The following KNTC1 variants were observed in gnomAD, a reference collection of about 807,000 sequenced individuals.
The protein encoded by KNTC1 is kinetochore-associated protein 1.
Under a neutral mutation model 314.4 loss-of-function variants are expected in KNTC1, and 253 were observed. That is an observed-to-expected ratio of 0.80 (90% CI 0.73 to 0.89). The LOEUF is 0.89. Ranked by LOEUF, KNTC1 falls within the 40% of genes least tolerant of loss-of-function variation. KNTC1 has a pLI of 0.00. For synonymous variants in KNTC1, 901 were observed against 901.4 expected (o/e 1.00, Z 0.01); for missense variants, 2,475 against 2,572.9 (o/e 0.96, Z 0.82).
At position 122,551,482 on chromosome 12, in the gene KNTC1, G is replaced by C. The variant is rs75833329; in HGVS notation, c.1155G>C (p.Val385=). 8,146 of 1,594,210 alleles carry C rather than the reference G, an allele frequency of 5.1e-3. 147 individuals are homozygous for C. In the African/African-American group the frequency reaches 0.058, roughly 11 times the overall value. The change falls in exon 15 of 64, where the codon GTG becomes GTC. Residue 385 remains valine, a synonymous_variant. Coordinates refer to ENST00000333479, the MANE Select transcript of KNTC1 (RefSeq NM_014708.6). The part of the protein sequence containing the change: ...DPKLSEDSVS[V]LVLRCLTEAL... ...GATTGTCTGAAGACTCAGTCTCTGT[G>C]TTAGTACTCAGATGTCTTACGGAAG... is the stretch of plus-strand genomic sequence containing the variant.
intron 59 of KNTC1, among the ~76,000 whole-genome samples, chr12:122,618,972 A>C (rs77872536): frequency 2.0e-5 from 3 of 151,772 alleles, no homozygotes; most frequent in Admixed American, 2.0e-4. Context: ...TATTAGAGAC[A>C]GCCTCCCAAA....
At chr12:122,549,084 C>T (rs1963001628) in intron 12 of KNTC1, among the ~76,000 whole-genome samples, 1 of 152,172 alleles carries the variant, frequency 6.6e-6, no homozygotes, top group Non-Finnish European at 1.5e-5. Flanking sequence ...GACAGTCTCA[C>T]TCTTTCACCC....
chr12:122,599,015 A>AAT (rs1555235825), intron 44 of KNTC1, among the ~76,000 whole-genome samples: 1 of 151,822 alleles, frequency 6.6e-6, no homozygotes, highest in African/African-American at 2.4e-5. Context: ...TAAAAAAAAA[A>AAT]TTTTTTTGTG....
At chr12:122,624,476 C>G in intron 62 of KNTC1, 122 bp from the exon 63 acceptor site, 1 of 596,674 alleles carries the variant, frequency 1.7e-6, no homozygotes, top group Non-Finnish European at 2.9e-6. Flanking sequence ...CCATGTTGCC[C>G]AGGCTAGTCT....
rs533959317 is a variant in KNTC1, at chr12:122,542,876, A to AC, written c.524-723dup. 2.0e-5 allele frequency among the ~76,000 whole-genome samples: 3 copies of AC among 152,280 alleles called. No homozygotes were observed. In the South Asian group the frequency reaches 6.2e-4, roughly 32 times the overall value. Reference sequence around the variant, plus strand: ...AAATTATTTGAGGAATGGATTTGGAACAGGTATTTAACATTTTGTTTTATT... The same window carrying AC: ...AAATTATTTGAGGAATGGATTTGGAACCAGGTATTTAACATTTTGTTTTATT... On this transcript the variant is annotated intron_variant, in intron 6 of 63. Coordinates refer to ENST00000333479, the MANE Select transcript of KNTC1 (RefSeq NM_014708.6).
chr12:122,579,266 G>A (rs1340890446), intron 31 of KNTC1, among the ~76,000 whole-genome samples: 3 of 148,852 alleles, frequency 2.0e-5, no homozygotes, highest in Admixed American at 6.7e-5. Context: ...GGGTTTCACC[G>A]TTTTAGCCGG....
At chr12:122,603,301 A>G in intron 48 of KNTC1, 58 bp downstream of exon 48, 1 of 1,136,624 alleles carries the variant, frequency 8.8e-7, no homozygotes, top group Non-Finnish European at 1.2e-6. Flanking sequence ...CTCTTTTTGC[A>G]TCTTTAAGGA....
intron 59 of KNTC1, among the ~76,000 whole-genome samples, chr12:122,619,513 C>T (rs529872026): frequency 2.0e-5 from 3 of 152,084 alleles, no homozygotes; most frequent in South Asian, 4.1e-4. Context: ...CCCGGGTTCA[C>T]GCCGTTCTCC....
intron 26 of KNTC1, 146 bp downstream of exon 26, chr12:122,573,431 C>A: frequency 1.3e-6 from 1 of 747,984 alleles, no homozygotes; most frequent in Non-Finnish European, 2.2e-6. Flanking sequence ...TGGGTTAATT[C>A]TGCTACTAAC....
At chr12:122,556,581 T>C (rs1240786413) in intron 16 of KNTC1, among the ~76,000 whole-genome samples, 2 of 151,072 alleles carry the variant, frequency 1.3e-5, no homozygotes, top group Non-Finnish European at 2.9e-5. Context: ...TCAAGGATTC[T>C]CCTGCCTCAG....
chr12:122,547,632 C>A, intron 11 of KNTC1, 102 bp downstream of exon 11: 1 of 781,192 alleles, frequency 1.3e-6, no homozygotes, highest in Non-Finnish European at 2.1e-6. Context: ...TTCTAAACAA[C>A]ACTGTGAAAC....
intron 35 of KNTC1, 45 bp downstream of exon 35, chr12:122,584,495 T>C: frequency 1.4e-6 from 2 of 1,408,078 alleles, no homozygotes; most frequent in Non-Finnish European, 2.0e-6. Flanking sequence ...CTCTGGTTCA[T>C]GTCATACTTG....
intron 26 of KNTC1, among the ~76,000 whole-genome samples, 185 bp downstream of exon 26, chr12:122,573,470 G>T (rs1180573864): frequency 6.6e-6 from 1 of 152,160 alleles, no homozygotes; most frequent in Non-Finnish European, 1.5e-5. Flanking sequence ...GATACATGAG[G>T]ACTGTGAACC....
chr12:122,554,076 A>AATATATATATAT (rs60404988), intron 16 of KNTC1, among the ~76,000 whole-genome samples: 9 of 109,048 alleles, frequency 8.3e-5, no homozygotes, highest in African/African-American at 2.7e-4. Context: ...AAAAAAAAAA[A>AATATATATATAT]ATATATATAT....
chr12:122,549,781 G>T lies in KNTC1; in HGVS notation c.1003G>T (p.Val335Phe), dbSNP rs368574278. Residue 335 changes from valine (V) to phenylalanine (F), a missense_variant, in exon 13 of 64, where the codon GTT becomes TTT. By Grantham distance (50) the Val-to-Phe change is conservative. Coordinates refer to ENST00000333479, the MANE Select transcript of KNTC1 (RefSeq NM_014708.6). The part of the protein sequence containing the change: ...SANKKMKNLM[V>F]YSLPTMEILY... ...TTTTTCTTAGATGAAAAACCTCATG[G>T]TTTATTCATTACCTACAATGGAAAT... is the stretch of plus-strand genomic sequence containing the variant. 7.5e-5 allele frequency: 114 copies of T among 1,520,974 alleles called. No homozygotes were observed. In the African/African-American group the frequency reaches 1.4e-3, roughly 18 times the overall value. The allele number at this position is 1,520,974 out of a possible 1,614,324, so 94.2% of individuals were successfully genotyped here. A position where few individuals can be genotyped will look rare whatever the true frequency, so the allele number is the denominator to read the frequency against.
Position 122,605,054 on chromosome 12 carries a change from AG to A in KNTC1, c.5354del (p.Arg1785LysfsTer20). On this transcript the variant is annotated frameshift_variant, in exon 50 of 64. Coordinates refer to ENST00000333479, the MANE Select transcript of KNTC1 (RefSeq NM_014708.6). LOFTEE classifies it high-confidence loss of function. The part of the protein sequence containing the change: ...SLYEHPSINQ[R>X]IQNSSGTDYP... ...CTACGAACATCCTAGCATCAATCAA[AG>A]AATTCAGAATTCATCTGGCACAGAT... 1 of 1,612,136 alleles carries A rather than the reference AG, an allele frequency of 6.2e-7. No individual in the cohort carries two copies. The highest frequency in any genetic ancestry group is 8.5e-7 in the Non-Finnish European group (1 of 1,179,236).
At chr12:122,558,216 C>T (rs879547505) in intron 18 of KNTC1, among the ~76,000 whole-genome samples, 2 of 152,150 alleles carry the variant, frequency 1.3e-5, no homozygotes, top group Non-Finnish European at 2.9e-5. Flanking sequence ...TTCCACTGCT[C>T]TTCAGCCTGG....
intron 44 of KNTC1, 38 bp from the exon 45 acceptor site, chr12:122,601,498 G>C (rs1871895214): frequency 6.8e-7 from 1 of 1,475,932 alleles, no homozygotes; most frequent in South Asian, 1.3e-5. Flanking sequence ...ACATGGCAAA[G>C]TCTTATCAAG....
chr12:122,606,016 GT>G (rs1454286505), intron 51 of KNTC1, among the ~76,000 whole-genome samples: 1 of 150,854 alleles, frequency 6.6e-6, no homozygotes, highest in Admixed American at 6.6e-5. Flanking sequence ...CTAATGTTTT[GT>G]TTTTTTTGTT....
Sources: allele counts gnomAD v4.1 joint callset (sites outside exome capture counted in the v4.1 genomes callset), GRCh38; gene constraint gnomAD v4.1.1; transcripts MANE v1.5; gene names NCBI Gene and HGNC (gene_info 2026-07-23, HGNC 2026-07-21).